Variants in AKAP7 observed in about 807,000 individuals in gnomAD.
AKAP7 encodes A-kinase anchoring protein 7.
In AKAP7, 39 loss-of-function variants were observed where a neutral mutation model predicts 39.5. That is an observed-to-expected ratio of 0.99 (90% confidence interval 0.76 to 1.29). The LOEUF (loss-of-function observed/expected upper bound fraction) is 1.29. Ranked by LOEUF, AKAP7 falls within the 50% of genes most tolerant of loss-of-function variation. AKAP7 has a pLI of 0.00. For synonymous variants in AKAP7, 140 were observed against 139.1 expected (o/e 1.01, Z -0.05); for missense variants, 414 against 407.7 (o/e 1.02, Z -0.13).
intron 7 of AKAP7, among the ~76,000 whole-genome samples, chr6:131,262,057 TC>T (rs1314092339): frequency 1.3e-5 from 2 of 152,082 alleles, no homozygotes; most frequent in Non-Finnish European, 2.9e-5. Flanking sequence ...ATAGGGACCG[TC>T]AAAGCTGGGC....
chr6:131,148,591 C>T (rs964163588), intron 2 of AKAP7, among the ~76,000 whole-genome samples: 22 of 151,968 alleles, frequency 1.4e-4, no homozygotes, highest in Admixed American at 2.0e-4. Flanking sequence ...TGAAACGTAC[C>T]CCTTAGTTAT....
chr6:131,201,507 A>T (rs1246838304), intron 6 of AKAP7, among the ~76,000 whole-genome samples: 1 of 152,032 alleles, frequency 6.6e-6, no homozygotes, highest in Non-Finnish European at 1.5e-5. Context: ...TTGTCAGATG[A>T]GTAGGTTGTG....
At chr6:131,227,352 G>A (rs1810256536) in intron 7 of AKAP7, among the ~76,000 whole-genome samples, 2 of 152,204 alleles carry the variant, frequency 1.3e-5, no homozygotes, top group Non-Finnish European at 2.9e-5. Flanking sequence ...TGAGGAAGCT[G>A]CAGAGTGGGA....
chr6:131,247,299 A>T (rs375511482), intron 7 of AKAP7, among the ~76,000 whole-genome samples: 6 of 68,008 alleles, frequency 8.8e-5, no homozygotes, highest in African/African-American at 3.1e-4. Flanking sequence ...ATATATATAT[A>T]TATATATATA....
At chr6:131,135,436 G>A (rs1800441218), upstream of AKAP7, among the ~76,000 whole-genome samples, 1 of 151,916 alleles carries the variant, frequency 6.6e-6, no homozygotes, top group Non-Finnish European at 1.5e-5. Context: ...GCCCGAATCC[G>A]GGTACCACCG....
At chr6:131,140,257 G>A (rs1333485312) in intron 1 of AKAP7, among the ~76,000 whole-genome samples, 2 of 136,278 alleles carry the variant, frequency 1.5e-5, no homozygotes, top group South Asian at 2.3e-4. Context: ...ACACACATGC[G>A]TTCTAGTGAT....
chr6:131,126,616 A>C, the AKAP7 span, among the ~76,000 whole-genome samples: 1 of 152,208 alleles, frequency 6.6e-6, no homozygotes, highest in Admixed American at 6.5e-5. Flanking sequence ...GATGGAGACT[A>C]TAAAATCCCT....
intron 5 of AKAP7, among the ~76,000 whole-genome samples, chr6:131,193,159 T>A (rs1806581915): frequency 1.3e-5 from 2 of 152,168 alleles, no homozygotes; most frequent in Non-Finnish European, 2.9e-5. Flanking sequence ...ATGTTCCAGA[T>A]GTTAAGAGGA....
intron 1 of AKAP7, among the ~76,000 whole-genome samples, chr6:131,141,159 C>T (rs78927596): frequency 0.11 from 16,091 of 152,168 alleles, 977 homozygotes; most frequent in Middle Eastern, 0.2. Context: ...AAATCTCATG[C>T]TGAGATGTTA....
chr6:131,219,708 C>G lies in AKAP7; in HGVS notation c.750C>G (p.His250Gln). Residue 250 changes from histidine to glutamine, a missense_variant, in exon 7 of 8, where the codon CAC (histidine) becomes CAG (glutamine). His to Gln is a conservative substitution (Grantham distance 24, BLOSUM62 0). Transcript: ENST00000431975. ...ATTTATATGAAAAGTTTATCAGTCACAGATTTGGAGAAGAAATATTATATC... is the reference window on the plus strand; with the variant it reads ...ATTTATATGAAAAGTTTATCAGTCAGAGATTTGGAGAAGAAATATTATATC... The part of the protein sequence containing the change: ...DPDLYEKFIS[H>Q]RFGEEILYRI... The G allele has an allele frequency of 6.3e-7, 1 of 1,596,396 alleles. No individual in the cohort carries two copies. Among genetic ancestry groups the G allele is most frequent in the Non-Finnish European group, 8.5e-7 (1 of 1,171,622 alleles).
chr6:131,255,893 C>T (rs1376037272), intron 7 of AKAP7, among the ~76,000 whole-genome samples: 1 of 152,224 alleles, frequency 6.6e-6, no homozygotes, highest in Non-Finnish European at 1.5e-5. Context: ...GACTTCCCCT[C>T]TTTTTCTCCT....
chr6:131,221,437 C>G (rs145406614), intron 7 of AKAP7, among the ~76,000 whole-genome samples: 1 of 152,340 alleles, frequency 6.6e-6, no homozygotes, highest in African/African-American at 2.4e-5. Flanking sequence ...ACAGAAGCTG[C>G]AGCCAGTTAT....
At chr6:131,235,233 G>T (rs1810950011) in intron 7 of AKAP7, among the ~76,000 whole-genome samples, 1 of 152,168 alleles carries the variant, frequency 6.6e-6, no homozygotes, top group Admixed American at 6.5e-5. Context: ...CAAAGGACAT[G>T]AACTTATCAT....
chr6:131,135,257 G>A (rs1375468265), upstream of AKAP7, among the ~76,000 whole-genome samples: 2 of 152,230 alleles, frequency 1.3e-5, no homozygotes, highest in Non-Finnish European at 2.9e-5. Context: ...GCAAGGCTGC[G>A]CCACGGGAAA....
At chr6:131,155,666 T>C (rs1802354234) in intron 2 of AKAP7, among the ~76,000 whole-genome samples, 1 of 152,256 alleles carries the variant, frequency 6.6e-6, no homozygotes, top group South Asian at 2.1e-4. Flanking sequence ...TTTTCTGTTA[T>C]CATCAGATAT....
intron 7 of AKAP7, among the ~76,000 whole-genome samples, chr6:131,227,643 A>C (rs1031280050): frequency 3.3e-5 from 5 of 152,214 alleles, no homozygotes; most frequent in South Asian, 2.1e-4. Context: ...CAGAAGAAGC[A>C]AAGATCTCCA....
chr6:131,133,594 C>A (rs1179417670), upstream of AKAP7, among the ~76,000 whole-genome samples: 1 of 152,160 alleles, frequency 6.6e-6, no homozygotes, highest in East Asian at 1.9e-4. Flanking sequence ...GGGCTGTTAC[C>A]TCTGCTTAGG....
chr6:131,199,057 A>C (rs1807254169), intron 5 of AKAP7, among the ~76,000 whole-genome samples: 1 of 152,210 alleles, frequency 6.6e-6, no homozygotes, highest in Admixed American at 6.5e-5. Flanking sequence ...TGCTCAGGGA[A>C]GGTTTCTGCT....
At chr6:131,242,029 A>G (rs1390303406) in intron 7 of AKAP7, 2 of 972,670 alleles carry the variant, frequency 2.1e-6, no homozygotes, top group East Asian at 2.3e-4. Context: ...GTCTTTTTTA[A>G]TTAACCCACA....
Sources: gnomAD v4.1 joint callset for allele counts (sites outside exome capture counted in the v4.1 genomes callset) on GRCh38, gnomAD v4.1.1 for gene constraint, MANE v1.5 for transcripts, NCBI Gene and HGNC (gene_info 2026-07-23, HGNC 2026-07-21) for gene names.